Variants in BIRC2 observed in about 807,000 individuals in gnomAD.
BIRC2 encodes baculoviral IAP repeat-containing protein 2.
Under a neutral mutation model 60.9 loss-of-function variants are expected in BIRC2, and 18 were observed. The ratio of observed to expected loss-of-function variants is 0.30; its 90% CI spans 0.20 to 0.44. The LOEUF is 0.44. BIRC2 is among the 20% of genes least tolerant of loss of function. The probability of loss-of-function intolerance (pLI) is 1.00; values close to 1 mark genes in which losing one functional copy is unlikely to be tolerated. For synonymous variants in BIRC2, 282 were observed against 247.7 expected, an observed-to-expected ratio of 1.14 and a Z score of -1.30; for missense variants, 701 against 728.5, an observed-to-expected ratio of 0.96 and a Z score of 0.43.
At chr11:102,375,530 CA>C (rs1319950829) in intron 6 of BIRC2, among the ~76,000 whole-genome samples, 1 of 152,128 alleles carries the variant, frequency 6.6e-6, no homozygotes, top group Non-Finnish European at 1.5e-5. Context: ...CCTGTAATCC[CA>C]GCACTTTGGG....
chr11:102,378,024 A>G lies in BIRC2; in HGVS notation c.1698A>G (p.Gln566=), dbSNP rs777384087. ...LSLEEQLRRL[Q]EERTCKVCMD... is the part of the protein sequence containing the mutation. ...TGGAAGAACAATTGAGGAGGTTGCA[A>G]GAAGAACGAACTTGTAAAGTGTGTA... The change falls in exon 9 of 9, where the codon CAA becomes CAG. Residue 566 remains glutamine, a synonymous_variant. Coordinates refer to ENST00000227758, the MANE Select transcript of BIRC2 (RefSeq NM_001166.5). The G allele has an allele frequency of 1.9e-6, 3 of 1,611,848 alleles. No individual in the cohort carries two copies. Among genetic ancestry groups the G allele is most frequent in the South Asian group, 2.2e-5 (2 of 90,330 alleles).
intron 6 of BIRC2, among the ~76,000 whole-genome samples, chr11:102,373,900 C>T (rs1420035218): frequency 2.1e-4 from 31 of 146,988 alleles, no homozygotes; most frequent in Middle Eastern, 3.5e-3. Flanking sequence ...CTTCCCTTCT[C>T]GCTTCATTTC....
Position 102,350,736 on chromosome 11 carries a change from T to G in BIRC2, c.882T>G (p.Gly294=). 6.2e-7 allele frequency: 1 copy of G among 1,605,214 alleles called. No homozygotes were observed. Among genetic ancestry groups the G allele is most frequent in the Non-Finnish European group, 8.5e-7 (1 of 1,175,892 alleles). ...PVQPEQLASA[G]FYYVGRNDDV... is the part of the protein sequence containing the mutation. ...AGCCTGAGCAGCTTGCAAGTGCTGG[T>G]TTTTATTATGTGGGTAAGAAGCAAA... Residue 294 remains glycine, a synonymous_variant, in exon 2 of 9, where the codon GGT becomes GGG. Coordinates refer to ENST00000227758, the MANE Select transcript of BIRC2 (RefSeq NM_001166.5).
rs138445816 is a variant in BIRC2 at position 102,377,498 on chromosome 11, G to C, written c.1369G>C (p.Asp457His). The C allele has an allele frequency of 6.3e-7, 1 of 1,587,182 alleles. No homozygotes were observed. The highest frequency in any genetic ancestry group is 1.2e-5 in the South Asian group (1 of 85,462). ...TTCTTTTTCTTTTTTTAATGAAGATGATTTGTCATTAATTCGGAAGAACAG... is the reference window on the plus strand; with the variant it reads ...TTCTTTTTCTTTTTTTAATGAAGATCATTTGTCATTAATTCGGAAGAACAG... ...EKQAEEMASD[D>H]LSLIRKNRMA... The change falls in exon 7 of 9, where the codon GAT becomes CAT. Residue 457 changes from aspartate (D) to histidine (H), a missense_variant and splice_region_variant. Physicochemically the swap from Asp to His is moderately conservative, Grantham distance 81. Coordinates refer to ENST00000227758, the MANE Select transcript of BIRC2 (RefSeq NM_001166.5).
At chr11:102,354,944 G>GTTTTTTTTTTTTTTTTTTTTTTT (rs61520984) in intron 3 of BIRC2, among the ~76,000 whole-genome samples, 1 of 89,654 alleles carries the variant, frequency 1.1e-5, no homozygotes, top group Non-Finnish European at 2.3e-5. Context: ...AATTATTTGG[G>GTTTTTTTTTTTTTTTTTTTTTTT]TTTTTTTTTT....
At chr11:102,371,845 TC>T (rs1217299704) in intron 6 of BIRC2, among the ~76,000 whole-genome samples, 2 of 151,684 alleles carry the variant, frequency 1.3e-5, no homozygotes, top group African/African-American at 4.9e-5. Flanking sequence ...CAATTTCAGA[TC>T]CTGTTATTGG....
chr11:102,368,504 AAAGAG>A lies in BIRC2; in HGVS notation c.1328_1332del (p.Glu443GlyfsTer7), dbSNP rs1565337116. The A allele has an allele frequency of 6.2e-7, 1 of 1,613,852 alleles. No homozygotes were observed. The highest frequency in any genetic ancestry group is 1.1e-5 in the South Asian group (1 of 91,064). On this transcript the variant is annotated frameshift_variant, in exon 6 of 9. Coordinates refer to ENST00000227758, the MANE Select transcript of BIRC2 (RefSeq NM_001166.5). LOFTEE classifies it high-confidence loss of function. ...GCACTTCTTAATGCTGAAGATGAAA[AAAGAG>A]AAGAGGAGAAGGAAAAACAAGCTGA...
At chr11:102,377,939 T>G in intron 8 of BIRC2, 41 bp downstream of exon 8, 2 of 1,602,094 alleles carry the variant, frequency 1.2e-6, no homozygotes, top group Non-Finnish European at 1.7e-6. Flanking sequence ...TATTACCCTT[T>G]TTTTTTAATG....
intron 6 of BIRC2, among the ~76,000 whole-genome samples, chr11:102,374,159 C>T (rs1448870784): frequency 6.6e-6 from 1 of 151,054 alleles, no homozygotes; most frequent in Admixed American, 6.6e-5. Context: ...AAGCCTTCTT[C>T]TCTCAGCTCA....
chr11:102,372,772 A>AC (rs1565338538), intron 6 of BIRC2, among the ~76,000 whole-genome samples: 32 of 122,800 alleles, frequency 2.6e-4, no homozygotes, highest in African/African-American at 1.0e-3. Flanking sequence ...TGGGGTGTTA[A>AC]AGTCTCCCAT....
chr11:102,377,674 T>A lies in BIRC2; in HGVS notation c.1545T>A (p.Val515=), dbSNP rs776429313. The stretch of plus-strand genomic sequence containing the variant: ...GAGAACTGATTGATACCATTTTGGT[T>A]AAAGGAAATGCTGCGGCCAACATCT... ...QARELIDTIL[V]KGNAAANIFK... The change falls in exon 7 of 9, where the codon GTT becomes GTA. Residue 515 remains valine (V), a synonymous_variant. Coordinates refer to ENST00000227758, the MANE Select transcript of BIRC2 (RefSeq NM_001166.5). 7.4e-6 allele frequency: 12 copies of A among 1,611,634 alleles called. No homozygotes were observed. Among genetic ancestry groups the A allele is most frequent in the Admixed American group, 1.7e-5 (1 of 59,236 alleles).
At chr11:102,368,191 T>C in intron 5 of BIRC2, 115 bp from the exon 6 acceptor site, 9 of 1,218,498 alleles carry the variant, frequency 7.4e-6, no homozygotes, top group Non-Finnish European at 1.0e-5. Flanking sequence ...TGCATATAGC[T>C]CATCTCCTTT....
chr11:102,353,443 C>T (rs958598383), intron 3 of BIRC2, among the ~76,000 whole-genome samples: 5 of 151,998 alleles, frequency 3.3e-5, no homozygotes, highest in Non-Finnish European at 7.4e-5. Context: ...CTCAGCCCCC[C>T]GAGTAGCTGG....
chr11:102,361,266 T>G (rs552388873), intron 3 of BIRC2, among the ~76,000 whole-genome samples: 69 of 152,248 alleles, frequency 4.5e-4, no homozygotes, highest in African/African-American at 1.6e-3. Context: ...GCCTCAGATG[T>G]GGGTGCACGT....
intron 1 of BIRC2, chr11:102,347,881 C>G (rs1329834898): frequency 6.6e-6 from 1 of 152,328 alleles, no homozygotes; most frequent in East Asian, 1.9e-4. Context: ...TCCCTTCCAT[C>G]CTATCCCCTG....
intron 3 of BIRC2, among the ~76,000 whole-genome samples, chr11:102,362,055 A>G (rs900275003): frequency 1.3e-5 from 2 of 152,056 alleles, no homozygotes; most frequent in Non-Finnish European, 2.9e-5. Context: ...GATGTTTTCA[A>G]TTTTGATGAT....
chr11:102,363,597 T>C (rs548795650), intron 4 of BIRC2, 71 bp from the exon 5 acceptor site: 3 of 1,189,058 alleles, frequency 2.5e-6, no homozygotes, highest in South Asian at 2.6e-5. Context: ...AGTAAGCTTA[T>C]TTTAGTGTTG....
Position 102,350,623 on chromosome 11 carries a change from CTG to C in BIRC2, c.770_771del (p.Leu257GlnfsTer3). The C allele has an allele frequency of 6.2e-7, 1 of 1,614,122 alleles. No homozygotes were observed. The highest frequency in any genetic ancestry group is 1.1e-5 in the South Asian group (1 of 91,086). ...CPFLENSLET[L>X]RFSISNLSMQ... ...ATTTTTGGAAAATTCTCTAGAAACT[CTG>C]AGGTTTAGCATTTCAAATCTGAGCA... On this transcript the variant is annotated frameshift_variant, in exon 2 of 9. Coordinates refer to ENST00000227758, the MANE Select transcript of BIRC2 (RefSeq NM_001166.5). LOFTEE classifies it high-confidence loss of function.
intron 1 of BIRC2, among the ~76,000 whole-genome samples, chr11:102,348,059 G>A (rs1951312153): frequency 6.6e-6 from 1 of 152,222 alleles, no homozygotes; most frequent in African/African-American, 2.4e-5. Context: ...TTGTTTTCGA[G>A]TTGCTTTCTG....
Sources: gnomAD v4.1 joint callset for allele counts (sites outside exome capture counted in the v4.1 genomes callset) on GRCh38, gnomAD v4.1.1 for gene constraint, MANE v1.5 for transcripts, NCBI Gene and HGNC (gene_info 2026-07-23, HGNC 2026-07-21) for gene names.